Variants in SRPK2 observed in about 807,000 individuals in gnomAD.
SRPK2 encodes SFRS protein kinase 2.
In SRPK2, 21 loss-of-function variants were observed where a neutral mutation model predicts 90.8. That is an observed-to-expected ratio of 0.23 (90% confidence interval 0.16 to 0.33). SRPK2 has a LOEUF of 0.33. Ranked by LOEUF, SRPK2 falls within the 10% of genes least tolerant of loss-of-function variation. The probability of loss-of-function intolerance (pLI) is 1.00; values close to 1 mark genes in which losing one functional copy is unlikely to be tolerated. For missense variants in SRPK2, 620 were observed against 869.0 expected (o/e 0.71, Z 3.60); for synonymous variants, 288 against 311.1 (o/e 0.93, Z 0.78).
chr7:105,141,616 A>G (rs1461398016), intron 11 of SRPK2, among the ~76,000 whole-genome samples: 2 of 152,234 alleles, frequency 1.3e-5, no homozygotes, highest in Non-Finnish European at 2.9e-5. Flanking sequence ...AGGAGGCATA[A>G]TTTTCTTGAA....
At chr7:105,355,220 G>C (rs1372521761) in intron 2 of SRPK2, among the ~76,000 whole-genome samples, 1 of 152,078 alleles carries the variant, frequency 6.6e-6, no homozygotes, top group Non-Finnish European at 1.5e-5. Context: ...ATACAGCAGG[G>C]CACAGTGGCT....
intron 2 of SRPK2, among the ~76,000 whole-genome samples, chr7:105,307,834 A>C (rs1811306260): frequency 6.6e-6 from 1 of 152,218 alleles, no homozygotes; most frequent in African/African-American, 2.4e-5. Flanking sequence ...GTAACTTAAC[A>C]GTGAAGTGGG....
At chr7:105,251,663 TCTC>T (rs566537791) in intron 2 of SRPK2, among the ~76,000 whole-genome samples, 4 of 152,238 alleles carry the variant, frequency 2.6e-5, no homozygotes, top group Non-Finnish European at 5.9e-5. Context: ...AACAGAGGCT[TCTC>T]CTACAGGCTA....
intron 2 of SRPK2, among the ~76,000 whole-genome samples, chr7:105,246,950 G>GGTGAGTGA (rs1801748511): frequency 6.6e-6 from 1 of 152,166 alleles, no homozygotes; most frequent in Non-Finnish European, 1.5e-5. Context: ...GAGCCAGGCA[G>GGTGAGTGA]GTGAGTGAGA....
chr7:105,332,589 C>A lies in SRPK2; in HGVS notation c.71+56059G>T, dbSNP rs188789387. Among the ~76,000 whole-genome samples the A allele has an allele frequency of 1.2e-4, 18 of 151,956 alleles. No individual in the cohort carries two copies. The East Asian group carries it at 3.3e-3, about 28-fold the overall frequency. On this transcript the variant is annotated intron_variant, in intron 2 of 15. Coordinates refer to ENST00000393651, the MANE Select transcript of SRPK2 (RefSeq NM_182692.3). ...GACCAGACTGGCCAACATGGTGAAACCCTATCTGTACTAAAAATACAAAAC... is the reference window on the plus strand; with the variant it reads ...GACCAGACTGGCCAACATGGTGAAAACCTATCTGTACTAAAAATACAAAAC...
At chr7:105,186,349 C>T (rs1793575812) in intron 3 of SRPK2, among the ~76,000 whole-genome samples, 1 of 152,218 alleles carries the variant, frequency 6.6e-6, no homozygotes, top group Non-Finnish European at 1.5e-5. Flanking sequence ...ACCCTCCCAA[C>T]TTTGCCCCTT....
At chr7:105,274,877 G>T (rs1330795745) in intron 2 of SRPK2, among the ~76,000 whole-genome samples, 3 of 146,388 alleles carry the variant, frequency 2.0e-5, no homozygotes, top group Non-Finnish European at 4.5e-5. Context: ...GGTAATACTT[G>T]TTCTTTCAGT....
chr7:105,230,815 ATAAAC>A (rs1799333925), intron 2 of SRPK2, among the ~76,000 whole-genome samples: 1 of 152,230 alleles, frequency 6.6e-6, no homozygotes, highest in Non-Finnish European at 1.5e-5. Flanking sequence ...TTTCTGGAAA[ATAAAC>A]CAACCATTTT....
chr7:105,178,555 T>C (rs903001943), intron 3 of SRPK2, among the ~76,000 whole-genome samples: 9 of 152,164 alleles, frequency 5.9e-5, no homozygotes, highest in Non-Finnish European at 2.9e-5. Context: ...AGGCTGGGCA[T>C]GGTGGCTCAC....
chr7:105,367,729 G>C (rs1819232459), intron 2 of SRPK2, among the ~76,000 whole-genome samples: 1 of 152,186 alleles, frequency 6.6e-6, no homozygotes, highest in African/African-American at 2.4e-5. Context: ...ACTGCAAATA[G>C]TGCCGTGTAC....
At chr7:105,301,052 A>C (rs1167232462) in intron 2 of SRPK2, among the ~76,000 whole-genome samples, 1 of 152,222 alleles carries the variant, frequency 6.6e-6, no homozygotes, top group Non-Finnish European at 1.5e-5. Flanking sequence ...ATGCCACTAT[A>C]AAGACACATG....
intron 2 of SRPK2, among the ~76,000 whole-genome samples, chr7:105,339,601 T>C (rs1815507611): frequency 6.6e-6 from 1 of 152,228 alleles, no homozygotes. Context: ...GGCCATGAAC[T>C]CCTGTGATCC....
At chr7:105,354,894 A>G (rs368203821) in intron 2 of SRPK2, among the ~76,000 whole-genome samples, 4 of 152,094 alleles carry the variant, frequency 2.6e-5, no homozygotes, top group Non-Finnish European at 5.9e-5. Flanking sequence ...GGCACGCCCC[A>G]TATTTCCCCC....
At chr7:105,392,666 A>C (rs897514611), upstream of SRPK2, among the ~76,000 whole-genome samples, 5 of 151,542 alleles carry the variant, frequency 3.3e-5, no homozygotes, top group African/African-American at 1.2e-4. Flanking sequence ...GACGCACACC[A>C]TTTGTATTTT....
chr7:105,397,069 G>A (rs966760265), intron 1 of SRPK2, among the ~76,000 whole-genome samples: 1 of 152,146 alleles, frequency 6.6e-6, no homozygotes, highest in African/African-American at 2.4e-5. Flanking sequence ...CCAGGCTGGA[G>A]TGCAATGGCG....
intron 3 of SRPK2, among the ~76,000 whole-genome samples, chr7:105,178,640 G>A (rs1432988493): frequency 6.6e-6 from 1 of 152,074 alleles, no homozygotes; most frequent in Non-Finnish European, 1.5e-5. Context: ...GCAAAAGAGT[G>A]AGAGTCCCCC....
chr7:105,247,516 ACACACACACACAT>A, intron 2 of SRPK2, among the ~76,000 whole-genome samples: 1 of 119,962 alleles, frequency 8.3e-6, no homozygotes, highest in South Asian at 3.0e-4. Flanking sequence ...ATACCAAAAA[ACACACACACACAT>A]AAACACACAC....
rs1367797115 is a variant in SRPK2 at position 105,159,475 on chromosome 7, C to T, written c.621+1032G>A. The stretch of plus-strand genomic sequence containing the variant: ...AAAAAAAAAAAAAAAAAAAAAAAAC[C>T]GTACAAAAGGAAGAAGAGATGAACA... On this transcript the variant is annotated intron_variant, in intron 7 of 15. Transcript: ENST00000393651. Among the ~76,000 whole-genome samples the T allele has an allele frequency of 6.5e-5, 4 of 61,568 alleles. No individual in the cohort carries two copies. In the East Asian group the frequency reaches 7.8e-4, roughly 12 times the overall value. The allele number at this position is 61,568 out of a possible 152,430, so 40.4% of individuals were successfully genotyped here.
At chr7:105,205,517 T>TCTCTCACA (rs1491532268) in intron 2 of SRPK2, among the ~76,000 whole-genome samples, 6 of 95,888 alleles carry the variant, frequency 6.3e-5, no homozygotes, top group African/African-American at 2.1e-4. Context: ...TCTCTCTCTC[T>TCTCTCACA]CACACACACA....
Sources: allele counts gnomAD v4.1 joint callset (sites outside exome capture counted in the v4.1 genomes callset), GRCh38; gene constraint gnomAD v4.1.1; transcripts MANE v1.5; gene names NCBI Gene and HGNC (gene_info 2026-07-23, HGNC 2026-07-21).